CACNA2D1: variants seen among roughly 807,000 people sequenced by gnomAD.
The protein encoded by CACNA2D1 is voltage-dependent calcium channel subunit alpha-2/delta-1.
CACNA2D1 carries 53 observed loss-of-function variants against 171.5 expected under a neutral mutation model. That is an observed-to-expected ratio of 0.31 (90% confidence interval 0.25 to 0.39). CACNA2D1 has a LOEUF of 0.39. Among genes scored for constraint, CACNA2D1 ranks in the 10% least tolerant of loss-of-function variants. CACNA2D1 has a pLI of 1.00. For synonymous variants in CACNA2D1, 442 were observed against 443.1 expected (o/e 1.00, Z 0.03); for missense variants, 903 against 1,299.8 (o/e 0.69, Z 4.69).
At chr7:81,991,907 T>A (rs1554342421) in intron 20 of CACNA2D1, among the ~76,000 whole-genome samples, 1 of 151,260 alleles carries the variant, frequency 6.6e-6, no homozygotes, top group Non-Finnish European at 1.5e-5. Flanking sequence ...TGATCTCGGC[T>A]CACTGCAAGC....
At chr7:82,166,537 T>C (rs1795471752) in intron 4 of CACNA2D1, among the ~76,000 whole-genome samples, 1 of 152,052 alleles carries the variant, frequency 6.6e-6, no homozygotes, top group Non-Finnish European at 1.5e-5. Context: ...TAACCAACCA[T>C]TGCAATGCAA....
At chr7:82,318,051 T>A (rs1195576362) in intron 3 of CACNA2D1, among the ~76,000 whole-genome samples, 1 of 152,010 alleles carries the variant, frequency 6.6e-6, no homozygotes, top group Non-Finnish European at 1.5e-5. Context: ...ACCCTCCATT[T>A]CTCACTAGTT....
At chr7:81,967,090 T>G (rs1794780930) in intron 31 of CACNA2D1, 79 bp downstream of exon 31, 1 of 1,037,330 alleles carries the variant, frequency 9.6e-7, no homozygotes, top group Non-Finnish European at 1.4e-6. Context: ...TTCCTGCATA[T>G]TTTTTCATCA....
chr7:82,122,505 T>A (rs137871155), intron 5 of CACNA2D1, among the ~76,000 whole-genome samples: 1 of 152,326 alleles, frequency 6.6e-6, no homozygotes, highest in African/African-American at 2.4e-5. Flanking sequence ...CCATTAGCAA[T>A]ACAATACAGT....
intron 3 of CACNA2D1, among the ~76,000 whole-genome samples, chr7:82,204,030 G>A (rs1799760298): frequency 6.6e-6 from 1 of 152,176 alleles, no homozygotes; most frequent in Non-Finnish European, 1.5e-5. Context: ...AGGCCATGGG[G>A]CCTGAGGCAC....
intron 6 of CACNA2D1, among the ~76,000 whole-genome samples, chr7:82,107,313 A>G (rs989221630): frequency 6.6e-6 from 1 of 152,140 alleles, no homozygotes. Flanking sequence ...AGGAACCAGA[A>G]AAAAACAGAA....
intron 20 of CACNA2D1, among the ~76,000 whole-genome samples, chr7:81,992,929 T>G (rs1409543782): frequency 6.6e-6 from 1 of 152,176 alleles, no homozygotes; most frequent in Non-Finnish European, 1.5e-5. Context: ...AACAAAGGAC[T>G]GTTGATGGAG....
At chr7:82,049,110 A>G (rs1804890090) in intron 10 of CACNA2D1, among the ~76,000 whole-genome samples, 3 of 136,604 alleles carry the variant, frequency 2.2e-5, no homozygotes, top group Non-Finnish European at 4.6e-5. Flanking sequence ...CAATTAAGTT[A>G]TCTTCTGGCA....
chr7:82,286,492 T>C (rs1281294058), intron 3 of CACNA2D1, among the ~76,000 whole-genome samples: 1 of 152,194 alleles, frequency 6.6e-6, no homozygotes, highest in Non-Finnish European at 1.5e-5. Flanking sequence ...CAAAAACAGA[T>C]ATACAAGTAT....
intron 3 of CACNA2D1, 145 bp downstream of exon 3, chr7:82,334,990 T>C: frequency 1.6e-6 from 1 of 618,328 alleles, no homozygotes; most frequent in Admixed American, 2.5e-5. Context: ...ATTTAAACCA[T>C]GATATCTCAT....
In CACNA2D1 at chr7:82,008,141, T is replaced by C. The variant is rs185782855; in HGVS notation, c.1363-385A>G. ...AAGCAGAGTGATAATAAAATATTAT[T>C]TTAAGTGATTATTTAGCTTCCCTTT... On this transcript the variant is annotated intron_variant, in intron 15 of 38. Transcript: ENST00000356860. 1.7e-3 allele frequency among the ~76,000 whole-genome samples: 260 copies of C among 152,270 alleles called. 1 individual carries two copies. The highest frequency in any genetic ancestry group is 5.9e-3 in the African/African-American group (246 of 41,572).
chr7:82,387,539 G>T (rs79392799), intron 1 of CACNA2D1, among the ~76,000 whole-genome samples: 1 of 152,110 alleles, frequency 6.6e-6, no homozygotes, highest in East Asian at 1.9e-4. Flanking sequence ...AGTGCCAAGG[G>T]TGATAAATTT....
intron 1 of CACNA2D1, among the ~76,000 whole-genome samples, chr7:82,368,472 G>A (rs1821997252): frequency 6.6e-6 from 1 of 152,146 alleles, no homozygotes. Context: ...TAAATGGAAA[G>A]GAAAATAGAG....
At chr7:82,397,006 C>A (rs1330440697) in intron 1 of CACNA2D1, among the ~76,000 whole-genome samples, 1 of 152,146 alleles carries the variant, frequency 6.6e-6, no homozygotes, top group Non-Finnish European at 1.5e-5. Context: ...TGAACTTATG[C>A]ATTGATTTCT....
At chr7:82,190,954 G>T (rs1022461793) in intron 3 of CACNA2D1, among the ~76,000 whole-genome samples, 6 of 151,656 alleles carry the variant, frequency 4.0e-5, no homozygotes, top group African/African-American at 1.2e-4. Context: ...ATGTTCCATT[G>T]TATATGTATA....
chr7:81,952,854 C>G (rs1240062519), intron 38 of CACNA2D1, among the ~76,000 whole-genome samples: 1 of 152,028 alleles, frequency 6.6e-6, no homozygotes, highest in African/African-American at 2.4e-5. Context: ...ATTCATTGAT[C>G]TCTACCTTTC....
intron 3 of CACNA2D1, among the ~76,000 whole-genome samples, chr7:82,257,014 G>C (rs1478701549): frequency 6.6e-6 from 1 of 152,120 alleles, no homozygotes; most frequent in Non-Finnish European, 1.5e-5. Flanking sequence ...AGGATGGCAG[G>C]AACAAAACTA....
chr7:82,192,070 C>G (rs74547673), intron 3 of CACNA2D1, among the ~76,000 whole-genome samples: 13,241 of 151,536 alleles, frequency 0.087, 971 homozygotes, highest in African/African-American at 0.17. Context: ...CCCTCTTTAC[C>G]TTACTCTGTA....
At chr7:82,416,309 C>G (rs983764620) in intron 1 of CACNA2D1, among the ~76,000 whole-genome samples, 1 of 152,018 alleles carries the variant, frequency 6.6e-6, no homozygotes, top group African/African-American at 2.4e-5. Context: ...TATGCTCCAC[C>G]AGTCCTTAAA....
Sources: gnomAD v4.1 joint callset for allele counts (sites outside exome capture counted in the v4.1 genomes callset) on GRCh38, gnomAD v4.1.1 for gene constraint, MANE v1.5 for transcripts, NCBI Gene and HGNC (gene_info 2026-07-23, HGNC 2026-07-21) for gene names.